Variants in CSMD1 observed in about 807,000 individuals in gnomAD.
The protein encoded by CSMD1 is CUB and Sushi multiple domains 1, also known as CUB and sushi domain-containing protein 1.
In CSMD1, 213 loss-of-function variants were observed where a neutral mutation model predicts 417.5. That is an observed-to-expected ratio of 0.51 (90% CI 0.46 to 0.57). CSMD1 has a LOEUF of 0.57. Ranked by LOEUF, CSMD1 falls within the 20% of genes least tolerant of loss-of-function variation. The pLI, the probability that CSMD1 is intolerant of heterozygous loss-of-function variation, is 0.00. For synonymous variants in CSMD1, 2,862 were observed against 1,736.8 expected, an observed-to-expected ratio of 1.65 and a Z score of -16.11; for missense variants, 6,923 against 4,529.7, an observed-to-expected ratio of 1.53 and a Z score of -15.17.
At chr8:3,158,671 C>G (rs1819690171) in intron 38 of CSMD1, among the ~76,000 whole-genome samples, 1 of 151,616 alleles carries the variant, frequency 6.6e-6, no homozygotes, top group Non-Finnish European at 1.5e-5. Flanking sequence ...GGGTTAAATT[C>G]AAAGATGTTT....
chr8:3,223,633 A>G lies in CSMD1; in HGVS notation c.4484+96T>C, dbSNP rs560631061. On this transcript the variant is annotated intron_variant, in intron 28 of 69. Coordinates refer to ENST00000635120, the MANE Select transcript of CSMD1 (RefSeq NM_033225.6). ...GACACAAAATCTAGCACTTACCTAG[A>G]TATAACATTAGAGACTATGAGGTCA... 7 of 1,265,422 alleles carry G rather than the reference A, an allele frequency of 5.5e-6. No homozygotes were observed. The South Asian group carries it at 9.5e-5, about 17-fold the overall frequency. 78.4% of individuals were successfully genotyped at this position (1,265,422 alleles called of 1,614,324 possible). A position where few individuals can be genotyped will look rare whatever the true frequency, so the allele number is the denominator to read the frequency against.
intron 7 of CSMD1, among the ~76,000 whole-genome samples, chr8:3,626,719 A>G (rs953341447): frequency 2.0e-5 from 3 of 151,124 alleles, no homozygotes; most frequent in Non-Finnish European, 4.4e-5. Flanking sequence ...TGTATTATGT[A>G]ATTTATGGAC....
chr8:4,134,338 G>A (rs1374656950), intron 3 of CSMD1, among the ~76,000 whole-genome samples: 5 of 152,142 alleles, frequency 3.3e-5, no homozygotes, highest in Non-Finnish European at 7.3e-5. Context: ...TTTAAGGTGG[G>A]TCCTCATCCA....
chr8:3,374,081 T>C (rs1173771322), intron 18 of CSMD1, among the ~76,000 whole-genome samples: 1 of 151,798 alleles, frequency 6.6e-6, no homozygotes. Flanking sequence ...GCCTCCTCAA[T>C]AGCTGGGATT....
chr8:3,921,371 A>C (rs1373512443), intron 5 of CSMD1, among the ~76,000 whole-genome samples: 1 of 151,620 alleles, frequency 6.6e-6, no homozygotes, highest in Non-Finnish European at 1.5e-5. Context: ...TTTTTCTTTA[A>C]ATTGTCTTTC....
intron 5 of CSMD1, among the ~76,000 whole-genome samples, chr8:3,925,153 C>G (rs547176974): frequency 5.9e-5 from 9 of 152,146 alleles, no homozygotes; most frequent in Non-Finnish European, 1.2e-4. Context: ...ATCCACTTCC[C>G]AAATCCTGAC....
In CSMD1 at chr8:4,906,892, C is replaced by T. The variant is rs556972576; in HGVS notation, c.85+87440G>A. On this transcript the variant is annotated intron_variant, in intron 1 of 69. Transcript: ENST00000635120. ...TTTTTTCAAAGTACCTTTAGTTTCA[C>T]AATGTGAGTAAATGTGGAAACTGAC... Among the ~76,000 whole-genome samples, 109 of 152,208 alleles carry T rather than the reference C, an allele frequency of 7.2e-4. No individual in the cohort carries two copies. In the Middle Eastern group the frequency reaches 0.01, roughly 14 times the overall value.
chr8:3,485,380 C>T (rs1277917956), intron 11 of CSMD1, among the ~76,000 whole-genome samples: 4 of 151,932 alleles, frequency 2.6e-5, no homozygotes, highest in African/African-American at 9.7e-5. Flanking sequence ...TGGCAGGGGT[C>T]AGCTTTAAGT....
intron 28 of CSMD1, among the ~76,000 whole-genome samples, chr8:3,223,418 C>G (rs1798323481): frequency 2.0e-5 from 3 of 152,158 alleles, no homozygotes; most frequent in Non-Finnish European, 4.4e-5. Context: ...AGAAATTACA[C>G]CAAATGTCTC....
At chr8:3,243,862 C>G (rs1344648943) in intron 26 of CSMD1, among the ~76,000 whole-genome samples, 1 of 151,212 alleles carries the variant, frequency 6.6e-6, no homozygotes, top group Non-Finnish European at 1.5e-5. Flanking sequence ...TCCTTTTTTG[C>G]TAAAACAAAG....
chr8:4,051,879 T>TCTTC lies in CSMD1; in HGVS notation c.416-19784_416-19781dup, dbSNP rs71205410. On this transcript the variant is annotated intron_variant, in intron 3 of 69. Transcript: ENST00000635120. ...CTCTTTCTTTCTTTCCTTCCTCCTTTCTTCCTTCCTTCCTTCCTTCCTTCC... is the reference window on the plus strand; with the variant it reads ...CTCTTTCTTTCTTTCCTTCCTCCTTTCTTCCTTCCTTCCTTCCTTCCTTCCTTCC... 6.2e-3 allele frequency among the ~76,000 whole-genome samples: 383 copies of TCTTC among 61,934 alleles called. 2 individuals are homozygous for TCTTC. The highest frequency in any genetic ancestry group is 8.7e-3 in the Non-Finnish European group (177 of 20,276). 40.6% of individuals were successfully genotyped at this position (61,934 alleles called of 152,430 possible). A position where few individuals can be genotyped will look rare whatever the true frequency, so the allele number is the denominator to read the frequency against.
intron 5 of CSMD1, among the ~76,000 whole-genome samples, chr8:3,963,645 C>G (rs1368345315): frequency 6.6e-6 from 1 of 151,990 alleles, no homozygotes; most frequent in African/African-American, 2.4e-5. Flanking sequence ...TTTTTAAATA[C>G]TAAAGCTATG....
intron 3 of CSMD1, among the ~76,000 whole-genome samples, chr8:4,293,700 G>T (rs964499087): frequency 2.6e-5 from 4 of 152,102 alleles, no homozygotes; most frequent in African/African-American, 7.2e-5. Flanking sequence ...ACTTAGAATT[G>T]CATTCCATAC....
intron 55 of CSMD1, among the ~76,000 whole-genome samples, chr8:2,978,025 A>G (rs1482670357): frequency 2.0e-5 from 3 of 152,246 alleles, no homozygotes; most frequent in African/African-American, 7.2e-5. Context: ...GCGATTCCTC[A>G]AAGACCTAGA....
At chr8:4,429,059 G>C (rs1023289780) in intron 2 of CSMD1, among the ~76,000 whole-genome samples, 12 of 151,794 alleles carry the variant, frequency 7.9e-5, no homozygotes, top group Non-Finnish European at 2.9e-5. Context: ...TACTTACAGT[G>C]TACAATACAA....
chr8:3,520,843 C>G (rs1034238500), intron 10 of CSMD1, among the ~76,000 whole-genome samples: 1 of 152,180 alleles, frequency 6.6e-6, no homozygotes, highest in African/African-American at 2.4e-5. Context: ...AATACAACCT[C>G]TCCCAGCCTG....
At chr8:3,815,051 T>G (rs1013123784) in intron 5 of CSMD1, among the ~76,000 whole-genome samples, 9 of 152,158 alleles carry the variant, frequency 5.9e-5, no homozygotes, top group Non-Finnish European at 1.0e-4. Context: ...CACATGAAGA[T>G]GTTTGGGAAA....
At chr8:3,956,583 C>T (rs1046085749) in intron 5 of CSMD1, among the ~76,000 whole-genome samples, 3 of 152,158 alleles carry the variant, frequency 2.0e-5, no homozygotes, top group African/African-American at 7.2e-5. Flanking sequence ...TACTGTGCCC[C>T]ATGTTTTGCA....
intron 1 of CSMD1, among the ~76,000 whole-genome samples, chr8:4,752,866 A>G (rs1811421931): frequency 6.6e-6 from 1 of 152,234 alleles, no homozygotes; most frequent in Non-Finnish European, 1.5e-5. Context: ...TAGGCAGATC[A>G]GCATGTCTTT....
Sources: gnomAD v4.1 joint callset for allele counts (sites outside exome capture counted in the v4.1 genomes callset) on GRCh38, gnomAD v4.1.1 for gene constraint, MANE v1.5 for transcripts, NCBI Gene and HGNC (gene_info 2026-07-23, HGNC 2026-07-21) for gene names.